MAN2A1: variants seen among roughly 807,000 people sequenced by gnomAD.
MAN2A1 encodes the protein mannosidase alpha class 2A member 1.
Under a neutral mutation model 142.6 loss-of-function variants are expected in MAN2A1, and 76 were observed. That is an observed-to-expected ratio of 0.53 (90% CI 0.44 to 0.65). The LOEUF (loss-of-function observed/expected upper bound fraction) is 0.65, where lower values mean the gene tolerates loss of function less well. MAN2A1 is among the 30% of genes least tolerant of loss of function. MAN2A1 has a pLI of 0.00. For synonymous variants in MAN2A1, 559 were observed against 473.2 expected (o/e 1.18, Z -2.35); for missense variants, 1,311 against 1,365.1 (o/e 0.96, Z 0.62).
chr5:109,719,752 T>A (rs1751552007), intron 3 of MAN2A1, among the ~76,000 whole-genome samples: 2 of 152,206 alleles, frequency 1.3e-5, no homozygotes, highest in Non-Finnish European at 2.9e-5. Context: ...TGTGTTTTTC[T>A]ATATATAGAT....
chr5:109,822,343 AGTT>A (rs765252321), intron 15 of MAN2A1, among the ~76,000 whole-genome samples: 12 of 152,132 alleles, frequency 7.9e-5, no homozygotes, highest in Non-Finnish European at 1.5e-4. Context: ...TTAAAAAAGT[AGTT>A]GTGCTATAGA....
intron 12 of MAN2A1, among the ~76,000 whole-genome samples, chr5:109,799,810 C>T (rs1753967382): frequency 6.7e-6 from 1 of 149,136 alleles, no homozygotes; most frequent in South Asian, 2.1e-4. Context: ...CAATCTTGGC[C>T]GGGCATGGTG....
rs777373120 is a variant in MAN2A1, at chr5:109,867,027, C to A, written c.*29C>A. On this transcript the variant is annotated 3_prime_UTR_variant, in exon 22 of 22. Coordinates refer to ENST00000261483, the MANE Select transcript of MAN2A1 (RefSeq NM_002372.4). ...TGACTTTCACATTTGGATTGAGAAT[C>A]ATTGGCTTTTATACCTTTCTTGGTT... is the stretch of plus-strand genomic sequence containing the variant. 3.8e-6 allele frequency: 6 copies of A among 1,596,792 alleles called. No individual in the cohort carries two copies. Among genetic ancestry groups the A allele is most frequent in the Non-Finnish European group, 5.1e-6 (6 of 1,170,670 alleles).
At chr5:109,746,572 G>GTT (rs34492008) in intron 4 of MAN2A1, among the ~76,000 whole-genome samples, 6,928 of 125,956 alleles carry the variant, frequency 0.055, 197 homozygotes, top group South Asian at 0.096. Context: ...CATTGTGCTG[G>GTT]TTTTTTTTTT....
Position 109,827,484 on chromosome 5 carries a change from A to G in MAN2A1, c.2566+3647A>G, listed in dbSNP as rs185747596. On this transcript the variant is annotated intron_variant, in intron 16 of 21. Transcript: ENST00000261483. ...AACAAAATCAAGAACGACAAGCAAC[A>G]TTTCCAAAATTATATAAACTTTTTG... Among the ~76,000 whole-genome samples the G allele has an allele frequency of 1.9e-3, 287 of 152,360 alleles. 1 individual carries two copies. Among genetic ancestry groups the G allele is most frequent in the Middle Eastern group, 0.014 (4 of 294 alleles).
At chr5:109,762,426 C>G (rs1409853924) in intron 5 of MAN2A1, among the ~76,000 whole-genome samples, 3 of 152,116 alleles carry the variant, frequency 2.0e-5, no homozygotes, top group Non-Finnish European at 4.4e-5. Flanking sequence ...TGCATGTGCA[C>G]ACATACATAC....
At chr5:109,820,464 G>A (rs1754593589) in intron 15 of MAN2A1, 122 bp downstream of exon 15, 2 of 995,104 alleles carry the variant, frequency 2.0e-6, no homozygotes, top group Non-Finnish European at 2.9e-6. Flanking sequence ...ATGAACTTTT[G>A]GTTGCAGTAT....
intron 10 of MAN2A1, 23 bp downstream of exon 10, chr5:109,784,949 A>T (rs775887745): frequency 1.3e-6 from 2 of 1,531,650 alleles, no homozygotes; most frequent in African/African-American, 2.8e-5. Context: ...TAGAAAAATC[A>T]TCTTTAAAAA....
At chr5:109,772,981 A>G (rs979138168) in intron 7 of MAN2A1, among the ~76,000 whole-genome samples, 5 of 152,204 alleles carry the variant, frequency 3.3e-5, no homozygotes, top group Middle Eastern at 3.4e-3. Context: ...GGCTTTTTCT[A>G]TTGACCGTCA....
chr5:109,729,864 C>G (rs1421566130), intron 4 of MAN2A1, among the ~76,000 whole-genome samples: 1 of 151,986 alleles, frequency 6.6e-6, no homozygotes, highest in African/African-American at 2.4e-5. Context: ...GTGGTGCTCA[C>G]GCCTGTAATT....
At chr5:109,703,015 AG>A (rs1751032775) in intron 1 of MAN2A1, among the ~76,000 whole-genome samples, 1 of 152,178 alleles carries the variant, frequency 6.6e-6, no homozygotes, top group South Asian at 2.1e-4. Context: ...AAGAAATAGA[AG>A]GGACTTATTC....
At chr5:109,699,052 T>TA (rs958000267) in intron 1 of MAN2A1, among the ~76,000 whole-genome samples, 1 of 152,192 alleles carries the variant, frequency 6.6e-6, no homozygotes, top group African/African-American at 2.4e-5. Flanking sequence ...TCCCAGTTTT[T>TA]AAAAAAGTTT....
chr5:109,792,083 A>T (rs1343821243), intron 12 of MAN2A1, among the ~76,000 whole-genome samples: 1 of 152,078 alleles, frequency 6.6e-6, no homozygotes, highest in Admixed American at 6.6e-5. Context: ...ATATAAAAAG[A>T]AAAGCCCTCC....
At chr5:109,774,615 T>G (rs1753232782) in intron 7 of MAN2A1, among the ~76,000 whole-genome samples, 173 bp from the exon 8 acceptor site, 1 of 152,130 alleles carries the variant, frequency 6.6e-6, no homozygotes, top group South Asian at 2.1e-4. Flanking sequence ...TATGATAGTT[T>G]TAAAAAAATC....
At chr5:109,759,838 C>G (rs1388259998) in intron 5 of MAN2A1, among the ~76,000 whole-genome samples, 2 of 152,008 alleles carry the variant, frequency 1.3e-5, no homozygotes, top group Non-Finnish European at 2.9e-5. Context: ...ACATGCATTT[C>G]TATGATGACT....
chr5:109,722,358 G>A (rs890520186), intron 3 of MAN2A1, among the ~76,000 whole-genome samples: 1 of 152,066 alleles, frequency 6.6e-6, no homozygotes, highest in Non-Finnish European at 1.5e-5. Context: ...TTTCCTGATT[G>A]CCACATTTTC....
intron 4 of MAN2A1, among the ~76,000 whole-genome samples, chr5:109,754,652 T>A (rs923374216): frequency 5.9e-5 from 9 of 152,328 alleles, no homozygotes; most frequent in Middle Eastern, 3.4e-3. Context: ...TAAACACTCA[T>A]CAAGCATATA....
intron 16 of MAN2A1, among the ~76,000 whole-genome samples, chr5:109,834,078 G>T (rs1754999820): frequency 6.6e-6 from 1 of 152,292 alleles, no homozygotes; most frequent in East Asian, 1.9e-4. Context: ...TGTCATGGAG[G>T]CAGGTCATTA....
chr5:109,841,749 T>C (rs1755211174), intron 16 of MAN2A1, among the ~76,000 whole-genome samples: 1 of 152,214 alleles, frequency 6.6e-6, no homozygotes, highest in South Asian at 2.1e-4. Context: ...CTAAAATTGA[T>C]TTAACTTCTG....
Sources: allele counts gnomAD v4.1 joint callset (sites outside exome capture counted in the v4.1 genomes callset), GRCh38; gene constraint gnomAD v4.1.1; transcripts MANE v1.5; gene names NCBI Gene and HGNC (gene_info 2026-07-23, HGNC 2026-07-21).